ASIC2: variants seen among roughly 807,000 people sequenced by gnomAD.
The protein encoded by ASIC2 is acid-sensing ion channel 2.
A neutral mutation model predicts 57.3 loss-of-function variants in ASIC2; 25 were observed. The ratio of observed to expected loss-of-function variants is 0.44; its 90% CI spans 0.32 to 0.61. The LOEUF is 0.61. Ranked by LOEUF, ASIC2 falls within the 20% of genes least tolerant of loss-of-function variation. The pLI is 0.06. For synonymous variants in ASIC2, 319 were observed against 307.5 expected (o/e 1.04, Z -0.39); for missense variants, 641 against 738.1 (o/e 0.87, Z 1.52).
At chr17:33,053,240 G>A (rs773113265) in intron 3 of ASIC2, among the ~76,000 whole-genome samples, 5 of 152,052 alleles carry the variant, frequency 3.3e-5, no homozygotes, top group Admixed American at 6.5e-5. Context: ...AATCCCAGGC[G>A]GCCGTCTGTT....
Position 33,429,002 on chromosome 17 carries a change from T to C in ASIC2, c.556-316935A>G, listed in dbSNP as rs192934004. On this transcript the variant is annotated intron_variant, in intron 1 of 9. Transcript: ENST00000359872. ...CCTGCAATAAAGTAATTAAAGTGAT[T>C]AGAAAGGGAGTCCTAGCAGATGAAG... 2.6e-3 allele frequency among the ~76,000 whole-genome samples: 403 copies of C among 152,242 alleles called. 1 individual carries two copies. Among genetic ancestry groups the C allele is most frequent in the African/African-American group, 6.7e-3 (279 of 41,542 alleles).
chr17:33,450,976 C>G (rs1912226266), intron 1 of ASIC2, among the ~76,000 whole-genome samples: 1 of 152,148 alleles, frequency 6.6e-6, no homozygotes, highest in Non-Finnish European at 1.5e-5. Context: ...CCATAGGGAT[C>G]TCAAAATTAA....
At chr17:33,949,719 A>G (rs1904498199) in intron 1 of ASIC2, among the ~76,000 whole-genome samples, 1 of 152,204 alleles carries the variant, frequency 6.6e-6, no homozygotes, top group African/African-American at 2.4e-5. Flanking sequence ...CAGTTTCCTC[A>G]TCTATAAATG....
At position 33,291,902 on chromosome 17, in the gene ASIC2, T is replaced by C. The variant is rs762551469; in HGVS notation, c.214A>G (p.Met72Val). ...CCAGCCGCCGTGCGCCCGGCACACA[T>C]GTGCCGCAGCCCGTGCAGTTTAGCG... Reference protein sequence around the residue: ...SRAKLHGLRHMCAGRTAAGGS... With the variant: ...SRAKLHGLRHVCAGRTAAGGS... The change falls in exon 1 of 10, where the codon ATG becomes GTG. Residue 72 changes from methionine (M) to valine (V), a missense_variant. Around this residue, in one of 3 missense-constraint regions of ASIC2, gnomAD observed 382 missense variants for 398.0 expected, o/e 0.96. Coordinates refer to ENST00000225823, the MANE Select transcript of ASIC2 (RefSeq NM_183377.2). 3.1e-6 allele frequency: 5 copies of C among 1,599,034 alleles called. No individual in the cohort carries two copies. The highest frequency in any genetic ancestry group is 1.7e-5 in the Admixed American group (1 of 59,274).
At chr17:34,139,496 G>A (rs1393690824) in intron 1 of ASIC2, among the ~76,000 whole-genome samples, 1 of 152,180 alleles carries the variant, frequency 6.6e-6, no homozygotes, top group Non-Finnish European at 1.5e-5. Flanking sequence ...ACTAACTGAT[G>A]AATGGATAAA....
chr17:33,549,483 C>T (rs1321426927), intron 1 of ASIC2, among the ~76,000 whole-genome samples: 1 of 152,086 alleles, frequency 6.6e-6, no homozygotes, highest in African/African-American at 2.4e-5. Context: ...TTTAAAAACT[C>T]ACCTCCTCTC....
chr17:33,716,205 A>G (rs140285831), intron 1 of ASIC2, among the ~76,000 whole-genome samples: 7 of 152,172 alleles, frequency 4.6e-5, no homozygotes, highest in African/African-American at 1.7e-4. Flanking sequence ...TTTCAATGTC[A>G]TCTCCATAAT....
chr17:33,354,436 T>C (rs555430151), intron 1 of ASIC2, among the ~76,000 whole-genome samples: 1 of 152,276 alleles, frequency 6.6e-6, no homozygotes, highest in South Asian at 2.1e-4. Context: ...TATGCAAATG[T>C]GACCAAGCTA....
intron 1 of ASIC2, among the ~76,000 whole-genome samples, chr17:34,090,797 A>G (rs1347947648): frequency 6.6e-6 from 1 of 152,174 alleles, no homozygotes; most frequent in Non-Finnish European, 1.5e-5. Context: ...GGGCTCTCCA[A>G]ATAGGAGGGG....
chr17:34,039,486 A>G, intron 1 of ASIC2: 6 of 1,613,770 alleles, frequency 3.7e-6, no homozygotes, highest in Non-Finnish European at 5.1e-6. Context: ...CATCTAAACC[A>G]TAGAGGGGCT....
rs564981825 is a variant in ASIC2 at position 33,855,667 on chromosome 17, G to A, written c.555+300311C>T. On this transcript the variant is annotated intron_variant, in intron 1 of 9. Coordinates refer to the ASIC2 transcript ENST00000359872. ...GGATGATGATGGTGATGACGATGGGGATGATAATGATGATGGGGGCAGGTT... is the reference window on the plus strand; with the variant it reads ...GGATGATGATGGTGATGACGATGGGAATGATAATGATGATGGGGGCAGGTT... Among the ~76,000 whole-genome samples the A allele has an allele frequency of 1.4e-3, 218 of 152,170 alleles. 3 individuals carry two copies. The South Asian group carries it at 0.02, about 14-fold the overall frequency.
chr17:33,294,185 G>A (rs1905626920), upstream of ASIC2, among the ~76,000 whole-genome samples: 1 of 152,240 alleles, frequency 6.6e-6, no homozygotes, highest in East Asian at 1.9e-4. Flanking sequence ...GGGAACACTT[G>A]GAGCCCCATT....
chr17:33,789,870 C>G (rs1911716136), intron 1 of ASIC2, among the ~76,000 whole-genome samples: 1 of 152,148 alleles, frequency 6.6e-6, no homozygotes, highest in Non-Finnish European at 1.5e-5. Flanking sequence ...CACTGCAGTT[C>G]ACTGGGTGTG....
At position 34,102,284 on chromosome 17, in the gene ASIC2, C is replaced by T. The variant is rs181592911; in HGVS notation, c.555+53694G>A. ...GGCAGAGGTTGCAGTGAGCTGAGAT[C>T]GCCCCACTGCACTCCAGCCTAGGTG... On this transcript the variant is annotated intron_variant, in intron 1 of 9. Transcript: ENST00000359872. Among the ~76,000 whole-genome samples the T allele has an allele frequency of 1.2e-3, 178 of 152,058 alleles. 1 individual carries two copies. The East Asian group carries it at 0.014, about 12-fold the overall frequency.
chr17:33,619,899 C>T (rs993348243), intron 1 of ASIC2, among the ~76,000 whole-genome samples: 12 of 152,068 alleles, frequency 7.9e-5, no homozygotes, highest in African/African-American at 2.2e-4. Flanking sequence ...ATTTTAACAA[C>T]GCATGAGAGA....
At chr17:34,103,214 T>C (rs1281699395) in intron 1 of ASIC2, among the ~76,000 whole-genome samples, 1 of 152,192 alleles carries the variant, frequency 6.6e-6, no homozygotes, top group African/African-American at 2.4e-5. Flanking sequence ...GGCACTATCA[T>C]GCCTCAACGT....
At chr17:34,075,213 T>A (rs1337987791) in intron 1 of ASIC2, among the ~76,000 whole-genome samples, 3 of 152,160 alleles carry the variant, frequency 2.0e-5, no homozygotes, top group African/African-American at 7.2e-5. Flanking sequence ...GGTCTGGGCA[T>A]CCAGCTGATT....
intron 1 of ASIC2, among the ~76,000 whole-genome samples, chr17:33,489,395 C>G (rs1772693672): frequency 6.6e-6 from 1 of 152,178 alleles, no homozygotes; most frequent in Non-Finnish European, 1.5e-5. Flanking sequence ...AGCTGACAGT[C>G]AAGCCCAGTA....
chr17:33,853,754 C>T (rs533357541), intron 1 of ASIC2, among the ~76,000 whole-genome samples: 21 of 152,228 alleles, frequency 1.4e-4, no homozygotes, highest in Middle Eastern at 3.4e-3. Flanking sequence ...GGTCTAGCAC[C>T]GAGCTTGGTC....
Sources: gnomAD v4.1 joint callset for allele counts (sites outside exome capture counted in the v4.1 genomes callset) on GRCh38, gnomAD v4.1.1 for gene constraint, gnomAD v4.1.1 regional missense constraint, MANE v1.5 for transcripts, NCBI Gene and HGNC (gene_info 2026-07-23, HGNC 2026-07-21) for gene names.